Variants in GCH1 observed in about 807,000 individuals in gnomAD.
GCH1 encodes GTP cyclohydrolase I.
GCH1 carries 5 observed loss-of-function variants against 25.9 expected under a neutral mutation model. That is an observed-to-expected ratio of 0.19 (90% CI 0.10 to 0.41). The LOEUF (loss-of-function observed/expected upper bound fraction) is 0.41. GCH1 is among the 10% of genes least tolerant of loss of function. The pLI is 1.00. For missense variants in GCH1, 261 were observed against 336.5 expected (o/e 0.78, Z 1.75); for synonymous variants, 159 against 129.6 (o/e 1.23, Z -1.54).
chr14:54,889,131 C>T lies in GCH1; in HGVS notation c.343+13190G>A, dbSNP rs531185652. 1.6e-4 allele frequency among the ~76,000 whole-genome samples: 25 copies of T among 152,282 alleles called. 1 individual carries two copies. The South Asian group carries it at 3.7e-3, about 23-fold the overall frequency. On this transcript the variant is annotated intron_variant, in intron 1 of 5. Coordinates refer to ENST00000491895, the MANE Select transcript of GCH1 (RefSeq NM_000161.3). ...GTTCCTTGAAGCTGAAGGGCAGATT[C>T]TTTTTGATAGGCCATCAGAGAGGCA... is the stretch of plus-strand genomic sequence containing the variant.
intron 2 of GCH1, among the ~76,000 whole-genome samples, chr14:54,862,991 T>C (rs985177637): frequency 1.3e-5 from 2 of 152,102 alleles, no homozygotes; most frequent in African/African-American, 4.8e-5. Context: ...TGTGTGACTC[T>C]CCCTTGGATT....
At position 54,843,161 on chromosome 14, in the gene GCH1, C is replaced by A; in HGVS notation, c.*856G>T. ...AACATTTTGAGGCATCTACATGGAT[C>A]ACACAAAGGAAACTCAATAAACCTA... On this transcript the variant is annotated 3_prime_UTR_variant, in exon 6 of 6. Coordinates refer to ENST00000491895, the MANE Select transcript of GCH1 (RefSeq NM_000161.3). 1 of 1,506,854 alleles carries A rather than the reference C, an allele frequency of 6.6e-7. No homozygotes were observed. Among genetic ancestry groups the A allele is most frequent in the South Asian group, 1.3e-5 (1 of 76,800 alleles). The allele number at this position is 1,506,854 out of a possible 1,614,324, so 93.3% of individuals were successfully genotyped here.
intron 3 of GCH1, among the ~76,000 whole-genome samples, chr14:54,856,110 T>C (rs1363641924): frequency 6.6e-6 from 1 of 152,234 alleles, no homozygotes; most frequent in Non-Finnish European, 1.5e-5. Context: ...TCCCATCCAC[T>C]GGAATAGGCC....
Position 54,842,980 on chromosome 14 carries a change from C to T in GCH1, c.*1037G>A. 1.3e-6 allele frequency: 1 copy of T among 764,292 alleles called. No individual in the cohort carries two copies. Among genetic ancestry groups the T allele is most frequent in the Non-Finnish European group, 2.4e-6 (1 of 416,794 alleles). The allele number at this position is 764,292 out of a possible 1,614,324, so 47.3% of individuals were successfully genotyped here. The stretch of plus-strand genomic sequence containing the variant: ...GATACGCTTTGGTTAAAACGTTGGA[C>T]ACAGCTCATAATGTCTTCCACCGTC... On this transcript the variant is annotated 3_prime_UTR_variant, in exon 6 of 6. Transcript: ENST00000491895.
intron 1 of GCH1, 49 bp from the exon 2 acceptor site, chr14:54,865,485 T>TAG (rs2039977870): frequency 1.2e-6 from 1 of 867,914 alleles, no homozygotes; most frequent in Non-Finnish European, 2.0e-6. Flanking sequence ...TATAGAAAGG[T>TAG]AGAATTATGG....
At chr14:54,897,271 C>A (rs1216396883) in intron 1 of GCH1, among the ~76,000 whole-genome samples, 1 of 142,890 alleles carries the variant, frequency 7.0e-6, no homozygotes. Context: ...CAGACTTGAG[C>A]CCCCGTGCCC....
intron 2 of GCH1, among the ~76,000 whole-genome samples, chr14:54,863,574 T>C (rs988804046): frequency 1.2e-4 from 18 of 144,070 alleles, no homozygotes; most frequent in African/African-American, 4.1e-4. Flanking sequence ...TTGTGGTATA[T>C]TTGTACAATG....
Position 54,859,684 on chromosome 14 carries a change from G to A in GCH1, c.506C>T (p.Ala169Val), listed in dbSNP as rs1362858344. The A allele has an allele frequency of 6.3e-7, 1 of 1,576,044 alleles. No individual in the cohort carries two copies. Among genetic ancestry groups the A allele is most frequent in the Middle Eastern group, 1.7e-4 (1 of 5,996 alleles). ...TTCACTGCACAGTCACACTTACCTC[G>A]CAAGTTTGCTGAGGCCAAGGACTTG... ...NKQVLGLSKL[A>V]RIVEIYSRRL... is the part of the protein sequence containing the mutation. The change falls in exon 3 of 6, where the codon GCG (alanine) becomes GTG (valine). Residue 169 changes from alanine (A) to valine (V), a missense_variant. By Grantham distance (64) the Ala-to-Val change is moderately conservative. This residue lies in a region of GCH1 where 130 missense variants were observed against 184.1 expected (regional missense o/e 0.71). Transcript: ENST00000491895.
chr14:54,876,698 TGTA>T, intron 1 of GCH1, among the ~76,000 whole-genome samples: 1 of 151,918 alleles, frequency 6.6e-6, no homozygotes, highest in Non-Finnish European at 1.5e-5. Context: ...TTTTTAAAAT[TGTA>T]GTATAGTATG....
Position 54,843,456 on chromosome 14 carries a change from C to T in GCH1, c.*561G>A. 1.4e-5 allele frequency: 17 copies of T among 1,232,354 alleles called. No individual in the cohort carries two copies. Among genetic ancestry groups the T allele is most frequent in the Non-Finnish European group, 1.7e-5 (17 of 985,272 alleles). 76.3% of individuals were successfully genotyped at this position (1,232,354 alleles called of 1,614,324 possible). A position where few individuals can be genotyped will look rare whatever the true frequency, so the allele number is the denominator to read the frequency against. On this transcript the variant is annotated 3_prime_UTR_variant, in exon 6 of 6. Coordinates refer to ENST00000491895, the MANE Select transcript of GCH1 (RefSeq NM_000161.3). ...AGTAAAATCAAAAACATAGACATTC[C>T]ACCACCTTCCCTTGGTGACTAACAT...
At chr14:54,889,252 C>G (rs117863726) in intron 1 of GCH1, among the ~76,000 whole-genome samples, 38 of 152,204 alleles carry the variant, frequency 2.5e-4, no homozygotes, top group African/African-American at 7.7e-4. Flanking sequence ...AACTAGTCAG[C>G]GACCTCACTG....
intron 3 of GCH1, among the ~76,000 whole-genome samples, chr14:54,853,030 C>A (rs1306399196): frequency 6.6e-6 from 1 of 152,206 alleles, no homozygotes; most frequent in Non-Finnish European, 1.5e-5. Context: ...ATGGTGCGAT[C>A]TCAGCTCACT....
At position 54,902,376 on chromosome 14, in the gene GCH1, C is replaced by G. The variant is rs938156011; in HGVS notation, c.288G>C (p.Trp96Cys). Residue 96 changes from tryptophan to cysteine, a missense_variant, in exon 1 of 6, where the codon TGG becomes TGC. Trp to Cys is a radical substitution (Grantham distance 215). Transcript: ENST00000491895. ...AGAACTGCATGGCCGAGGCCGCCCT[C>G]CAGGGCGTCTTGAGCAGCCCTTGCC... ...PQRQGLLKTP[W>C]RAASAMQFFT... The G allele has an allele frequency of 3.7e-6, 6 of 1,613,146 alleles. No individual in the cohort carries two copies. The highest frequency in any genetic ancestry group is 5.1e-6 in the Non-Finnish European group (6 of 1,179,850).
At chr14:54,875,397 C>T (rs1321821896) in intron 1 of GCH1, among the ~76,000 whole-genome samples, 1 of 152,138 alleles carries the variant, frequency 6.6e-6, no homozygotes, top group African/African-American at 2.4e-5. Flanking sequence ...CAATACCATT[C>T]AGGACATAGG....
chr14:54,847,339 C>G (rs2039658104), intron 3 of GCH1, among the ~76,000 whole-genome samples: 1 of 152,122 alleles, frequency 6.6e-6, no homozygotes, highest in Non-Finnish European at 1.5e-5. Flanking sequence ...AAGTATTGTT[C>G]CTGGGTATGC....
intron 1 of GCH1, among the ~76,000 whole-genome samples, chr14:54,868,627 A>T (rs1320178041): frequency 6.6e-6 from 1 of 152,126 alleles, no homozygotes; most frequent in Non-Finnish European, 1.5e-5. Context: ...TTTGAGACAG[A>T]GTCTTGCTCT....
At chr14:54,863,216 A>G (rs970226801) in intron 2 of GCH1, among the ~76,000 whole-genome samples, 8 of 151,868 alleles carry the variant, frequency 5.3e-5, no homozygotes, top group Non-Finnish European at 8.8e-5. Context: ...TCAGGAGATC[A>G]AGACCATCCT....
chr14:54,902,821 C>T lies in GCH1; in HGVS notation c.-158G>A. Reference sequence around the variant, plus strand: ...TCACACTCCGAGCCGGGAGCGGCCACAGGCTGGAAAGCCCGGCCGCGCCTC... The same window carrying T: ...TCACACTCCGAGCCGGGAGCGGCCATAGGCTGGAAAGCCCGGCCGCGCCTC... On this transcript the variant is annotated 5_prime_UTR_variant, in exon 1 of 6. It adds an upstream start codon to the 5' untranslated region. Transcript: ENST00000491895. The T allele has an allele frequency of 2.0e-6, 2 of 1,021,496 alleles. No homozygotes were observed. 63.3% of individuals were successfully genotyped at this position (1,021,496 alleles called of 1,614,324 possible). A position where few individuals can be genotyped will look rare whatever the true frequency, so the allele number is the denominator to read the frequency against.
At chr14:54,877,714 C>G (rs1419560260) in intron 1 of GCH1, among the ~76,000 whole-genome samples, 2 of 152,074 alleles carry the variant, frequency 1.3e-5, no homozygotes, top group Non-Finnish European at 2.9e-5. Context: ...AGGCTGGTCT[C>G]AAATTCCTGA....
Sources: gnomAD v4.1 joint callset for allele counts (sites outside exome capture counted in the v4.1 genomes callset) on GRCh38, gnomAD v4.1.1 for gene constraint, gnomAD v4.1.1 regional missense constraint, MANE v1.5 for transcripts, NCBI Gene and HGNC (gene_info 2026-07-23, HGNC 2026-07-21) for gene names.